Variants in GTF2E2 observed in about 807,000 individuals in gnomAD.
GTF2E2 encodes general transcription factor IIE subunit 2, also known as transcription initiation factor IIE subunit beta.
In GTF2E2, 21 loss-of-function variants were observed where a neutral mutation model predicts 40.5. The ratio of observed to expected loss-of-function variants is 0.52; its 90% CI spans 0.37 to 0.75. The LOEUF (loss-of-function observed/expected upper bound fraction) is 0.75, where lower values mean the gene tolerates loss of function less well. GTF2E2 is among the 30% of genes least tolerant of loss of function. GTF2E2 has a pLI of 0.00. For synonymous variants in GTF2E2, 117 were observed against 121.6 expected (o/e 0.96, Z 0.25); for missense variants, 298 against 338.4 (o/e 0.88, Z 0.94).
At chr8:30,633,470 TG>T (rs1224900124) in intron 3 of GTF2E2, among the ~76,000 whole-genome samples, 1 of 152,238 alleles carries the variant, frequency 6.6e-6, no homozygotes. Context: ...TTTAAATTTT[TG>T]CTTGAATAGT....
At chr8:30,584,688 G>C (rs1828621413) in intron 6 of GTF2E2, 1 of 152,140 alleles carries the variant, frequency 6.6e-6, no homozygotes, top group Admixed American at 6.6e-5. Context: ...TTACCAATGA[G>C]GCTTTGCTTA....
intron 6 of GTF2E2, chr8:30,584,659 G>A (rs1288670536): frequency 6.6e-6 from 1 of 152,132 alleles, no homozygotes; most frequent in Non-Finnish European, 1.5e-5. Flanking sequence ...TGCCATAGAA[G>A]GGAAGAAAAT....
intron 3 of GTF2E2, among the ~76,000 whole-genome samples, chr8:30,627,462 A>C (rs189809857): frequency 1.5e-3 from 232 of 151,534 alleles, no homozygotes; most frequent in African/African-American, 5.4e-3. Context: ...AAAAAAAAAA[A>C]AAAAAAAAAC....
intron 3 of GTF2E2, among the ~76,000 whole-genome samples, chr8:30,624,942 T>C (rs1273772812): frequency 1.4e-5 from 2 of 146,354 alleles, no homozygotes; most frequent in Non-Finnish European, 3.0e-5. Context: ...TATACAATCA[T>C]GTCATCTGCA....
In GTF2E2 at chr8:30,578,691, G is replaced by A. The variant is rs996274184; in HGVS notation, c.*230C>T. On this transcript the variant is annotated 3_prime_UTR_variant, in exon 8 of 8. Coordinates refer to ENST00000355904, the MANE Select transcript of GTF2E2 (RefSeq NM_002095.6). Reference sequence around the variant, plus strand: ...AAGACACCTGCATGCCACGCTCAGCGCCTTTCTCCCAGGGAGTAACAGAAG... The same window carrying A: ...AAGACACCTGCATGCCACGCTCAGCACCTTTCTCCCAGGGAGTAACAGAAG... The A allele has an allele frequency of 1.9e-5, 8 of 410,928 alleles. No homozygotes were observed. Among genetic ancestry groups the A allele is most frequent in the African/African-American group, 4.0e-5 (2 of 49,506 alleles). 25.5% of individuals were successfully genotyped at this position (410,928 alleles called of 1,614,324 possible).
At chr8:30,657,345 A>C (rs1563515776) in intron 1 of GTF2E2, among the ~76,000 whole-genome samples, 1 of 152,124 alleles carries the variant, frequency 6.6e-6, no homozygotes, top group African/African-American at 2.4e-5. Context: ...TCTGCCTCCA[A>C]GCCCACGATT....
chr8:30,592,675 T>C (rs879753844), intron 6 of GTF2E2, among the ~76,000 whole-genome samples: 6 of 152,344 alleles, frequency 3.9e-5, no homozygotes, highest in South Asian at 2.1e-4. Flanking sequence ...ACCATGTAAA[T>C]AGTTATACTG....
intron 6 of GTF2E2, among the ~76,000 whole-genome samples, chr8:30,588,047 G>A (rs569643494): frequency 6.6e-6 from 1 of 152,244 alleles, no homozygotes; most frequent in Admixed American, 6.5e-5. Flanking sequence ...TGTGAGAATG[G>A]TTATCCTCAA....
chr8:30,595,420 T>C (rs1233271278), intron 6 of GTF2E2, among the ~76,000 whole-genome samples: 3 of 152,258 alleles, frequency 2.0e-5, no homozygotes, highest in Non-Finnish European at 4.4e-5. Context: ...AAATGTCTAA[T>C]GTCATACCTC....
At chr8:30,643,537 T>G (rs972691835) in intron 2 of GTF2E2, 2 of 151,786 alleles carry the variant, frequency 1.3e-5, no homozygotes, top group Non-Finnish European at 2.9e-5. Flanking sequence ...ATGCCTGTAA[T>G]CCCAGCTACT....
intron 6 of GTF2E2, among the ~76,000 whole-genome samples, chr8:30,582,445 A>T (rs1172177332): frequency 6.6e-6 from 1 of 152,214 alleles, no homozygotes; most frequent in Non-Finnish European, 1.5e-5. Flanking sequence ...TAATGTTAAC[A>T]CCTTACATAA....
intron 2 of GTF2E2, among the ~76,000 whole-genome samples, chr8:30,649,427 A>AC (rs1790877004): frequency 6.6e-6 from 1 of 152,112 alleles, no homozygotes; most frequent in African/African-American, 2.4e-5. Context: ...AAACAAACAA[A>AC]AACCAAAACA....
intron 2 of GTF2E2, among the ~76,000 whole-genome samples, chr8:30,649,856 T>C (rs1202460424): frequency 6.6e-6 from 1 of 152,034 alleles, no homozygotes; most frequent in African/African-American, 2.4e-5. Flanking sequence ...CCTCAGACAA[T>C]GTAAATGATG....
chr8:30,656,890 T>C (rs1231201490), intron 1 of GTF2E2: 1 of 151,740 alleles, frequency 6.6e-6, no homozygotes, highest in Non-Finnish European at 1.5e-5. Flanking sequence ...CTCGCAACTC[T>C]AGGAGCAAAC....
intron 2 of GTF2E2, chr8:30,644,586 A>G (rs1276996880): frequency 6.6e-6 from 1 of 151,170 alleles, no homozygotes; most frequent in Non-Finnish European, 1.5e-5. Flanking sequence ...AGAAGAATCC[A>G]CAAGGCTAAT....
chr8:30,646,961 CAG>C (rs1245854206), intron 2 of GTF2E2, among the ~76,000 whole-genome samples: 1 of 98,434 alleles, frequency 1.0e-5, no homozygotes, highest in Non-Finnish European at 1.8e-5. Context: ...GCCTGGGTGA[CAG>C]AGCAAGACTC....
chr8:30,651,013 C>CAA (rs147244822), intron 2 of GTF2E2, among the ~76,000 whole-genome samples: 309 of 137,162 alleles, frequency 2.3e-3, no homozygotes, highest in Middle Eastern at 7.6e-3. Context: ...GACTCCGTCT[C>CAA]AAAAAAAAAA....
chr8:30,653,455 C>G lies in GTF2E2; in HGVS notation c.144G>C (p.Ser48=), dbSNP rs150995616. ...KKKTKVEHGG[S]SGSKQNSDHS... ...AACCAGAATTTTGTTTAGAGCCTGACGATCCTCCATGTTCTACCTTTGTTT... is the reference window on the plus strand; with the variant it reads ...AACCAGAATTTTGTTTAGAGCCTGAGGATCCTCCATGTTCTACCTTTGTTT... The change falls in exon 2 of 8, where the codon TCG becomes TCC. Residue 48 remains serine (S), a synonymous_variant. Coordinates refer to ENST00000355904, the MANE Select transcript of GTF2E2 (RefSeq NM_002095.6). The G allele has an allele frequency of 9.9e-6, 16 of 1,613,416 alleles. No homozygotes were observed. Among genetic ancestry groups the G allele is most frequent in the Middle Eastern group, 1.7e-4 (1 of 6,054 alleles).
At chr8:30,611,557 C>T (rs1829476155) in intron 5 of GTF2E2, among the ~76,000 whole-genome samples, 1 of 152,050 alleles carries the variant, frequency 6.6e-6, no homozygotes, top group African/African-American at 2.4e-5. Flanking sequence ...AAAAAATTCA[C>T]CAACTGGGCT....
Sources: gnomAD v4.1 joint callset for allele counts (sites outside exome capture counted in the v4.1 genomes callset) on GRCh38, gnomAD v4.1.1 for gene constraint, MANE v1.5 for transcripts, NCBI Gene and HGNC (gene_info 2026-07-23, HGNC 2026-07-21) for gene names.